Variants in DYNC2H1 observed in about 807,000 individuals in gnomAD.
DYNC2H1 encodes cytoplasmic dynein 2 heavy chain 1.
A neutral mutation model predicts 570.0 loss-of-function variants in DYNC2H1; 410 were observed. The observed-to-expected ratio is 0.72, with a 90% CI of 0.66 to 0.78. DYNC2H1 has a LOEUF of 0.78. DYNC2H1 is among the 30% of genes least tolerant of loss of function. The pLI, the probability that DYNC2H1 is intolerant of heterozygous loss-of-function variation, is 0.00. For synonymous variants in DYNC2H1, 1,688 were observed against 1,677.6 expected (o/e 1.01, Z -0.15); for missense variants, 4,865 against 5,046.4 (o/e 0.96, Z 1.09).
rs1264721007 is a variant in DYNC2H1 at position 103,231,272 on chromosome 11, A to T, written c.9366A>T (p.Lys3122Asn). The T allele has an allele frequency of 6.2e-7, 1 of 1,602,622 alleles. No homozygotes were observed. The highest frequency in any genetic ancestry group is 1.7e-5 in the Admixed American group (1 of 58,576). Residue 3122 changes from lysine (K) to asparagine (N), a missense_variant, in exon 60 of 89, where the codon AAA (lysine) becomes AAT (asparagine). Lys to Asn is a moderately conservative substitution (Grantham distance 94). Around this residue, in one of 5 missense-constraint regions of DYNC2H1, gnomAD observed 2,401 missense variants for 2,454.6 expected, o/e 0.98. Coordinates refer to ENST00000375735, the MANE Select transcript of DYNC2H1 (RefSeq NM_001377.3). ...EQAGLESNLK[K>N]TEDRKRKLEE... ...AGTTATATTTTAGGAATCTGAAGAAAACTGAAGACAGAAAAAGGAAACTAG... is the reference window on the plus strand; with the variant it reads ...AGTTATATTTTAGGAATCTGAAGAATACTGAAGACAGAAAAAGGAAACTAG...
chr11:103,130,172 A>T (rs543806407), intron 13 of DYNC2H1, among the ~76,000 whole-genome samples: 1 of 152,304 alleles, frequency 6.6e-6, no homozygotes, highest in East Asian at 1.9e-4. Flanking sequence ...CTAGGTTTTT[A>T]TCGGGGATGG....
chr11:103,209,732 A>G lies in DYNC2H1; in HGVS notation c.8455-144A>G. On this transcript the variant is annotated intron_variant, in intron 52 of 88. Transcript: ENST00000375735. This position sits in a 1 kb window ranked among gnomAD's most constrained non-coding sequence, Gnocchi z 4.2. ...GTCTTGGAAATCATTTCTTCTAAAG[A>G]TTTCTGTATTATTTTTGTCTCTTAG... The G allele has an allele frequency of 1.9e-6, 1 of 530,024 alleles. No homozygotes were observed. Among genetic ancestry groups the G allele is most frequent in the Non-Finnish European group, 2.9e-6 (1 of 350,636 alleles). 32.8% of individuals were successfully genotyped at this position (530,024 alleles called of 1,614,324 possible). A position where few individuals can be genotyped will look rare whatever the true frequency, so the allele number is the denominator to read the frequency against.
chr11:103,404,745 A>G (rs1437775954), intron 84 of DYNC2H1: 1 of 151,770 alleles, frequency 6.6e-6, no homozygotes, highest in Non-Finnish European at 1.5e-5. Context: ...AATATGTGTC[A>G]TGTAAGATAA....
In DYNC2H1 at chr11:103,374,609, G is replaced by A. The variant is rs186794392; in HGVS notation, c.12156+16250G>A. 4.8e-3 allele frequency among the ~76,000 whole-genome samples: 734 copies of A among 152,312 alleles called. 6 individuals carry two copies. The highest frequency in any genetic ancestry group is 0.01 in the Middle Eastern group (3 of 294). ...AAATGCTGATAGTGATATGGGCAAT[G>A]AAGTCCAGGCTGAGGTGGTCTCAGA... On this transcript the variant is annotated intron_variant, in intron 83 of 88. Coordinates refer to ENST00000375735, the MANE Select transcript of DYNC2H1 (RefSeq NM_001377.3).
chr11:103,272,572 TTAAATAAATAAA>T (rs538001139), intron 70 of DYNC2H1, among the ~76,000 whole-genome samples: 1 of 152,064 alleles, frequency 6.6e-6, no homozygotes, highest in Admixed American at 6.6e-5. Flanking sequence ...TAAAGTATAA[TTAAATAAATAAA>T]TAAATAAATA....
Position 103,181,549 on chromosome 11 carries a change from T to A in DYNC2H1, c.6348-208T>A, listed in dbSNP as rs1861848686. On this transcript the variant is annotated intron_variant, in intron 39 of 88. Transcript: ENST00000375735. This position sits in a 1 kb window ranked among gnomAD's most constrained non-coding sequence, Gnocchi z 5.0. Reference sequence around the variant, plus strand: ...ATGTATATATACCTATATGCATGTGTGTTTGTATATATTATGTGTATGTAT... The same window carrying A: ...ATGTATATATACCTATATGCATGTGAGTTTGTATATATTATGTGTATGTAT... Among the ~76,000 whole-genome samples the A allele has an allele frequency of 6.6e-6, 1 of 151,652 alleles. No homozygotes were observed. The highest frequency in any genetic ancestry group is 1.5e-5 in the Non-Finnish European group (1 of 67,700).
chr11:103,217,427 T>C (rs1183470294), intron 55 of DYNC2H1, among the ~76,000 whole-genome samples: 1 of 152,164 alleles, frequency 6.6e-6, no homozygotes, highest in East Asian at 1.9e-4. Context: ...ATATTAGGCA[T>C]AGAGATCACT....
Position 103,249,119 on chromosome 11 carries a change from A to C in DYNC2H1, c.10042+3745A>C, listed in dbSNP as rs573836736. Reference sequence around the variant, plus strand: ...ATGTAAATTAAGAATTCATACAGTTAAGACTGTGTTGGACTCTATAGTTCT... The same window carrying C: ...ATGTAAATTAAGAATTCATACAGTTCAGACTGTGTTGGACTCTATAGTTCT... On this transcript the variant is annotated intron_variant, in intron 65 of 88. Coordinates refer to ENST00000375735, the MANE Select transcript of DYNC2H1 (RefSeq NM_001377.3). The surrounding 1 kb of genome is among the most constrained non-coding windows in gnomAD (Gnocchi z 4.6). Among the ~76,000 whole-genome samples the C allele has an allele frequency of 6.6e-6, 1 of 152,152 alleles. No homozygotes were observed. Among genetic ancestry groups the C allele is most frequent in the East Asian group, 1.9e-4 (1 of 5,176 alleles).
At position 103,363,527 on chromosome 11, in the gene DYNC2H1, T is replaced by A. The variant is rs1224478603; in HGVS notation, c.12156+5168T>A. 6.6e-6 allele frequency among the ~76,000 whole-genome samples: 1 copy of A among 152,230 alleles called. No homozygotes were observed. Among genetic ancestry groups the A allele is most frequent in the African/African-American group, 2.4e-5 (1 of 41,470 alleles). ...TAAAAAAAATGTTTTCCGAGTTTGT[T>A]CTTTCCCAAACTTGAGCTCCTTTAA... On this transcript the variant is annotated intron_variant, in intron 83 of 88. Transcript: ENST00000375735. The surrounding 1 kb of genome is among the most constrained non-coding windows in gnomAD (Gnocchi z 5.6).
intron 85 of DYNC2H1, among the ~76,000 whole-genome samples, chr11:103,444,499 C>A (rs1412924000): frequency 6.6e-6 from 1 of 152,070 alleles, no homozygotes; most frequent in Non-Finnish European, 1.5e-5. Context: ...TTAAAGTAAG[C>A]ATCTGTTTGT....
intron 82 of DYNC2H1, among the ~76,000 whole-genome samples, chr11:103,343,262 C>T (rs545090678): frequency 1.3e-5 from 2 of 152,306 alleles, no homozygotes; most frequent in East Asian, 1.9e-4. Context: ...AAGCGCAACT[C>T]GACCATCTAT....
At chr11:103,296,982 G>A (rs1866857863) in intron 75 of DYNC2H1, among the ~76,000 whole-genome samples, 2 of 151,702 alleles carry the variant, frequency 1.3e-5, no homozygotes, top group African/African-American at 2.4e-5. Flanking sequence ...TCTTCTAAGT[G>A]TTAGAGTACT....
chr11:103,417,605 G>T (rs143737353), intron 84 of DYNC2H1, among the ~76,000 whole-genome samples: 110 of 151,996 alleles, frequency 7.2e-4, no homozygotes, highest in African/African-American at 2.5e-3. Context: ...TTGGCCAGGC[G>T]TGGTGGTTCA....
At chr11:103,148,644 T>C (rs1038333284) in intron 20 of DYNC2H1, 27 bp downstream of exon 20, 2 of 1,539,440 alleles carry the variant, frequency 1.3e-6, no homozygotes, top group Admixed American at 2.1e-5. Flanking sequence ...AAAATTATTA[T>C]TATTACTTTT....
In DYNC2H1 at chr11:103,283,090, T is replaced by C. The variant is rs1428264218; in HGVS notation, c.10890+5T>C. 1.3e-6 allele frequency: 2 copies of C among 1,598,988 alleles called. No homozygotes were observed. Among genetic ancestry groups the C allele is most frequent in the South Asian group, 2.3e-5 (2 of 88,716 alleles). On this transcript the variant is annotated splice_donor_5th_base_variant and intron_variant, in intron 73 of 88. Transcript: ENST00000375735. The stretch of plus-strand genomic sequence containing the variant: ...TGGGCCGTGGCAACATTAAAGGTAT[T>C]CCTTTTCTACTATGAGACATGTTTT...
At chr11:103,291,807 C>G (rs749256336) in intron 75 of DYNC2H1, among the ~76,000 whole-genome samples, 7 of 152,108 alleles carry the variant, frequency 4.6e-5, no homozygotes, top group Non-Finnish European at 7.4e-5. Context: ...TACACAATGA[C>G]TTTGTTGGTC....
chr11:103,277,384 T>G lies in DYNC2H1; in HGVS notation c.10696-2964T>G, dbSNP rs886763316. On this transcript the variant is annotated intron_variant, in intron 70 of 88. Coordinates refer to ENST00000375735, the MANE Select transcript of DYNC2H1 (RefSeq NM_001377.3). The surrounding 1 kb of genome is among the most constrained non-coding windows in gnomAD (Gnocchi z 4.3). Reference sequence around the variant, plus strand: ...CAAATTTTTCTTCATCTGGGTCTAATTTAAACAATTATAAAGTTCTCTCCC... The same window carrying G: ...CAAATTTTTCTTCATCTGGGTCTAAGTTAAACAATTATAAAGTTCTCTCCC... 1.3e-5 allele frequency among the ~76,000 whole-genome samples: 2 copies of G among 152,142 alleles called. No homozygotes were observed. Among genetic ancestry groups the G allele is most frequent in the South Asian group, 4.1e-4 (2 of 4,834 alleles).
rs116038744 is a variant in DYNC2H1, at chr11:103,128,829, A to G, written c.1858-81A>G. ...TTAAATTTTAGGATTGAGAAAAGTT[A>G]ACATTTTCATTCAAACAATTAAAAA... On this transcript the variant is annotated intron_variant, in intron 12 of 88. Coordinates refer to ENST00000375735, the MANE Select transcript of DYNC2H1 (RefSeq NM_001377.3). 1.1e-3 allele frequency: 1,291 copies of G among 1,205,360 alleles called. 12 individuals carry two copies. In the African/African-American group the frequency reaches 0.018, roughly 17 times the overall value. The allele number at this position is 1,205,360 out of a possible 1,614,324, so 74.7% of individuals were successfully genotyped here.
Position 103,135,577 on chromosome 11 carries a change from T to C in DYNC2H1, c.2288T>C (p.Met763Thr), listed in dbSNP as rs560552996. Residue 763 changes from methionine (M) to threonine (T), a missense_variant, in exon 16 of 89, where the codon ATG becomes ACG. Around this residue, in one of 5 missense-constraint regions of DYNC2H1, gnomAD observed 1,936 missense variants for 1,962.1 expected, o/e 0.99. Transcript: ENST00000375735. ...LYKALEHQYQ[M>T]GLEALNENLP... ...AAAGCTCTGGAGCATCAGTACCAGA[T>C]GGGCTTAGAAGCACTTAATGAGAAT... 5.0e-6 allele frequency: 8 copies of C among 1,613,294 alleles called. No homozygotes were observed. The East Asian group carries it at 1.6e-4, about 31-fold the overall frequency.
Sources: gnomAD v4.1 joint callset for allele counts (sites outside exome capture counted in the v4.1 genomes callset) on GRCh38, gnomAD v4.1.1 for gene constraint, gnomAD v4.1.1 regional missense constraint, Gnocchi (gnomAD v3.1) non-coding constraint, MANE v1.5 for transcripts, NCBI Gene and HGNC (gene_info 2026-07-23, HGNC 2026-07-21) for gene names.